Variants in PNKD observed in about 807,000 individuals in gnomAD.
The protein encoded by PNKD is probable thioesterase PNKD.
PNKD carries 36 observed loss-of-function variants against 45.3 expected under a neutral mutation model. The ratio of observed to expected loss-of-function variants is 0.80; its 90% CI spans 0.61 to 1.05. The LOEUF (loss-of-function observed/expected upper bound fraction) is 1.05, where lower values mean the gene tolerates loss of function less well. PNKD is among the 50% of genes least tolerant of loss of function. The probability of loss-of-function intolerance (pLI) is 0.00; values close to 1 mark genes in which losing one functional copy is unlikely to be tolerated. For synonymous variants in PNKD, 197 were observed against 210.1 expected (o/e 0.94, Z 0.54); for missense variants, 511 against 506.6 (o/e 1.01, Z -0.08).
chr2:218,274,499 A>G (rs1691015946), intron 2 of PNKD: 1 of 154,194 alleles, frequency 6.5e-6, no homozygotes, highest in Non-Finnish European at 1.5e-5. Flanking sequence ...TAGCAGAAGG[A>G]AAGAACCCAG....
intron 2 of PNKD, among the ~76,000 whole-genome samples, chr2:218,319,371 C>CTTTTTTTTTTTTTTTTTTTT (rs35553031): frequency 1.2e-5 from 1 of 80,214 alleles, no homozygotes; most frequent in Non-Finnish European, 2.3e-5. Flanking sequence ...TCTTGTTTGT[C>CTTTTTTTTTTTTTTTTTTTT]TTTTTTTTTT....
At chr2:218,320,536 C>A (rs921660850) in intron 2 of PNKD, among the ~76,000 whole-genome samples, 6 of 152,110 alleles carry the variant, frequency 3.9e-5, no homozygotes, top group Non-Finnish European at 7.3e-5. Context: ...CCACTGCACT[C>A]CAGCCTGAGT....
At chr2:218,323,268 A>T in intron 2 of PNKD, 2 of 1,522,300 alleles carry the variant, frequency 1.3e-6, no homozygotes, top group South Asian at 1.2e-5. Flanking sequence ...TGCCCCCAGC[A>T]TGGCTTGGCA....
At chr2:218,273,336 T>G (rs1250457009) in intron 2 of PNKD, among the ~76,000 whole-genome samples, 2 of 152,156 alleles carry the variant, frequency 1.3e-5, no homozygotes, top group African/African-American at 4.8e-5. Context: ...AGTGTTGTGA[T>G]CGTCAGCTCA....
In PNKD at chr2:218,326,276, C is replaced by T. The variant is rs888467063; in HGVS notation, c.237-13507C>T. On this transcript the variant is annotated intron_variant, in intron 2 of 9. Transcript: ENST00000273077. The surrounding 1 kb of genome is among the most constrained non-coding windows in gnomAD (Gnocchi z 4.1). ...TGGTGTTTGGCAATTTAATAAAAGG[C>T]TTTCCTTAACCATAACTACAATTGT... is the stretch of plus-strand genomic sequence containing the variant. Among the ~76,000 whole-genome samples the T allele has an allele frequency of 6.6e-6, 1 of 152,146 alleles. No individual in the cohort carries two copies. Among genetic ancestry groups the T allele is most frequent in the East Asian group, 1.9e-4 (1 of 5,202 alleles).
At position 218,271,540 on chromosome 2, in the gene PNKD, GA is replaced by G. The variant is rs1486473420; in HGVS notation, c.228del (p.Leu77TrpfsTer43). The G allele has an allele frequency of 1.2e-6, 2 of 1,614,072 alleles. No homozygotes were observed. Among genetic ancestry groups the G allele is most frequent in the South Asian group, 1.1e-5 (1 of 91,088 alleles). On this transcript the variant is annotated frameshift_variant, in exon 2 of 10. Transcript: ENST00000273077. LOFTEE classifies it high-confidence loss of function. Reference protein sequence around the residue: ...KRGKNPMKAVGLAWYSLYTRT... With the variant: ...KRGKNPMKAVXLAWYSLYTRT... ...GGCAAGAACCCCATGAAAGCTGTGG[GA>G]CTGGCCTGGTGAGTTTTAACCACCC...
intron 2 of PNKD, chr2:218,279,447 AC>A: frequency 1.7e-6 from 2 of 1,187,970 alleles, no homozygotes; most frequent in South Asian, 3.3e-5. Context: ...CCACTCAAGA[AC>A]CCTCCCTAGC....
In PNKD at chr2:218,277,733, G is replaced by A; in HGVS notation, c.236+6184G>A. ...AAGGAAGGAAGGCAGGGTGCTGGGG[G>A]AGTGGCCATGGTGGCCTCTGCCAGA... On this transcript the variant is annotated intron_variant, in intron 2 of 9. Transcript: ENST00000273077. 5 of 1,604,192 alleles carry A rather than the reference G, an allele frequency of 3.1e-6. No homozygotes were observed. In the South Asian group the frequency reaches 3.3e-5, roughly 11 times the overall value.
At chr2:218,319,489 C>T (rs564799358) in intron 2 of PNKD, among the ~76,000 whole-genome samples, 32 of 149,720 alleles carry the variant, frequency 2.1e-4, no homozygotes, top group African/African-American at 7.6e-4. Context: ...AGTTCTCCTG[C>T]CTCAGCCTCC....
At chr2:218,300,672 G>A (rs1222431333) in intron 2 of PNKD, among the ~76,000 whole-genome samples, 2 of 151,490 alleles carry the variant, frequency 1.3e-5, no homozygotes, top group African/African-American at 4.9e-5. Flanking sequence ...CAGCCTCCCA[G>A]GTAGCTGGGA....
intron 2 of PNKD, among the ~76,000 whole-genome samples, chr2:218,298,646 C>G (rs1376667085): frequency 6.6e-6 from 1 of 152,162 alleles, no homozygotes; most frequent in East Asian, 1.9e-4. Context: ...TCACACTAAG[C>G]AGGGCCTGGA....
In PNKD at chr2:218,272,592, ATCC is replaced by A. The variant is rs1322279495; in HGVS notation, c.236+1049_236+1051del. 1.4e-5 allele frequency: 23 copies of A among 1,613,992 alleles called. No homozygotes were observed. The highest frequency in any genetic ancestry group is 1.8e-5 in the Non-Finnish European group (21 of 1,179,988). ...TAGGGCCATCGGCTTCCCTTGTGGTATCCTCCTCTTCATCCTCACCAAGCGGGA... is the reference window on the plus strand; with the variant it reads ...TAGGGCCATCGGCTTCCCTTGTGGTATCCTCTTCATCCTCACCAAGCGGGA... On this transcript the variant is annotated intron_variant, in intron 2 of 9. Transcript: ENST00000273077.
Position 218,344,924 on chromosome 2 carries a change from C to T in PNKD, c.1101C>T (p.Ser367=). ...GPGPTGDDDY[S]RAQLLEELRR... ...GCCCCACTGGGGATGATGACTACTCCCGGGCCCAGCTCCTGGAAGAGCTCC... is the reference window on the plus strand; with the variant it reads ...GCCCCACTGGGGATGATGACTACTCTCGGGCCCAGCTCCTGGAAGAGCTCC... The change falls in exon 10 of 10, where the codon TCC becomes TCT. Residue 367 remains serine (S), a synonymous_variant. Coordinates refer to ENST00000273077, the MANE Select transcript of PNKD (RefSeq NM_015488.5). The T allele has an allele frequency of 6.2e-7, 1 of 1,614,040 alleles. No individual in the cohort carries two copies. The highest frequency in any genetic ancestry group is 1.3e-5 in the African/African-American group (1 of 75,050).
intron 2 of PNKD, among the ~76,000 whole-genome samples, chr2:218,296,649 G>A (rs1052093427): frequency 3.9e-5 from 6 of 152,072 alleles, no homozygotes; most frequent in African/African-American, 1.4e-4. Context: ...TCTGAAAGAA[G>A]TTGCCTTTTT....
At chr2:218,308,028 C>T (rs2106257522) in intron 2 of PNKD, among the ~76,000 whole-genome samples, 1 of 151,944 alleles carries the variant, frequency 6.6e-6, no homozygotes, top group East Asian at 1.9e-4. Flanking sequence ...GCAGAGAGGA[C>T]TACTTTCTTT....
intron 2 of PNKD, chr2:218,275,965 T>G: frequency 6.4e-7 from 1 of 1,560,832 alleles, no homozygotes; most frequent in Non-Finnish European, 8.7e-7. Flanking sequence ...TCATGCCCCC[T>G]TCCCTAGATT....
intron 2 of PNKD, among the ~76,000 whole-genome samples, chr2:218,304,031 GA>G (rs1424048948): frequency 6.6e-6 from 1 of 152,132 alleles, no homozygotes. Context: ...TCTCCAGGAG[GA>G]GATGGCAGCA....
At chr2:218,300,936 T>C (rs1693253996) in intron 2 of PNKD, among the ~76,000 whole-genome samples, 1 of 152,214 alleles carries the variant, frequency 6.6e-6, no homozygotes, top group African/African-American at 2.4e-5. Flanking sequence ...ATGTTACTTT[T>C]TCATCAGAAA....
intron 6 of PNKD, 113 bp downstream of exon 6, chr2:218,341,739 T>C: frequency 1.2e-6 from 1 of 864,754 alleles, no homozygotes; most frequent in Non-Finnish European, 1.9e-6. Context: ...CCAGTGCCCT[T>C]CCTGGCCCAA....
Sources: allele counts gnomAD v4.1 joint callset (sites outside exome capture counted in the v4.1 genomes callset), GRCh38; gene constraint gnomAD v4.1.1; non-coding constraint Gnocchi (gnomAD v3.1); transcripts MANE v1.5; gene names NCBI Gene and HGNC (gene_info 2026-07-23, HGNC 2026-07-21).